TMEM132C: variants seen among roughly 807,000 people sequenced by gnomAD.
TMEM132C encodes protein phosphatase 1, regulatory subunit 152.
TMEM132C carries 29 observed loss-of-function variants against 61.4 expected under a neutral mutation model. The ratio of observed to expected loss-of-function variants is 0.47; its 90% CI spans 0.35 to 0.64. TMEM132C has a LOEUF of 0.64. Ranked by LOEUF, TMEM132C falls within the 30% of genes least tolerant of loss-of-function variation. The pLI is 0.00. For missense variants in TMEM132C, 1,408 were observed against 1,476.9 expected, an observed-to-expected ratio of 0.95 and a Z score of 0.76; for synonymous variants, 656 against 633.1, an observed-to-expected ratio of 1.04 and a Z score of -0.54.
At position 128,563,561 on chromosome 12, in the gene TMEM132C, C is replaced by A. The variant is rs574992708; in HGVS notation, c.1121+19458C>A. On this transcript the variant is annotated intron_variant, in intron 3 of 8. Coordinates refer to ENST00000435159, the MANE Select transcript of TMEM132C (RefSeq NM_001136103.3). ...ATGATGATACAATCATCTAATGTCC[C>A]CCATTAGTAGAGCTGCTGCTGTTAT... is the stretch of plus-strand genomic sequence containing the variant. 3.3e-5 allele frequency among the ~76,000 whole-genome samples: 5 copies of A among 152,252 alleles called. 1 individual carries two copies. In the South Asian group the frequency reaches 1.0e-3, roughly 32 times the overall value.
intron 2 of TMEM132C, among the ~76,000 whole-genome samples, chr12:128,489,701 T>C (rs7313925): frequency 0.36 from 54,725 of 151,256 alleles, 10,587 homozygotes; most frequent in East Asian, 0.58. Context: ...TATATATACA[T>C]GTGGGAATAT....
intron 2 of TMEM132C, among the ~76,000 whole-genome samples, chr12:128,437,601 T>C (rs35517965): frequency 0.19 from 29,034 of 152,134 alleles, 3,659 homozygotes; most frequent in African/African-American, 0.36. Context: ...AAATCTTGCC[T>C]ACAAGCCTGG....
chr12:128,321,188 T>C (rs570411402), intron 1 of TMEM132C, among the ~76,000 whole-genome samples: 1 of 150,248 alleles, frequency 6.7e-6, no homozygotes, highest in East Asian at 1.9e-4. Context: ...AATGCCAACA[T>C]TTCTTTTGCC....
chr12:128,374,975 G>A (rs888349350), intron 1 of TMEM132C, among the ~76,000 whole-genome samples: 3 of 62,254 alleles, frequency 4.8e-5, no homozygotes, highest in African/African-American at 1.0e-4. Flanking sequence ...AGACAGCAGG[G>A]GATGAAAACC....
At chr12:128,557,863 A>C (rs1451520497) in intron 3 of TMEM132C, among the ~76,000 whole-genome samples, 2 of 152,216 alleles carry the variant, frequency 1.3e-5, no homozygotes, top group Non-Finnish European at 2.9e-5. Context: ...TCAGAGGTCA[A>C]GTGTTTGCTG....
rs1009283767 is a variant in TMEM132C, at chr12:128,541,934, G to A, written c.975-2023G>A. 1.5e-4 allele frequency among the ~76,000 whole-genome samples: 23 copies of A among 152,238 alleles called. 1 individual carries two copies. Among genetic ancestry groups the A allele is most frequent in the South Asian group, 1.5e-3 (7 of 4,820 alleles). ...GGGGTTGTGGGGTCCCTCTGTATTC[G>A]GTGTGGCACCCCCAGGCACCCCCAG... On this transcript the variant is annotated intron_variant, in intron 2 of 8. Coordinates refer to ENST00000435159, the MANE Select transcript of TMEM132C (RefSeq NM_001136103.3).
At chr12:128,514,472 T>G (rs1872659591) in intron 2 of TMEM132C, among the ~76,000 whole-genome samples, 1 of 152,166 alleles carries the variant, frequency 6.6e-6, no homozygotes, top group Non-Finnish European at 1.5e-5. Context: ...TCATTATCTC[T>G]TTTTATTCTG....
At chr12:128,422,136 CA>C (rs1869008619) in intron 2 of TMEM132C, among the ~76,000 whole-genome samples, 1 of 152,176 alleles carries the variant, frequency 6.6e-6, no homozygotes, top group African/African-American at 2.4e-5. Flanking sequence ...TGGAGGTCAT[CA>C]GTTCTGAAAA....
intron 3 of TMEM132C, among the ~76,000 whole-genome samples, chr12:128,545,668 G>A (rs879418803): frequency 3.3e-5 from 5 of 152,118 alleles, no homozygotes; most frequent in African/African-American, 4.8e-5. Flanking sequence ...GTGTGAGATG[G>A]CATCTCATTG....
intron 1 of TMEM132C, among the ~76,000 whole-genome samples, chr12:128,328,276 G>C (rs1479845254): frequency 1.3e-5 from 2 of 152,092 alleles, no homozygotes; most frequent in African/African-American, 4.8e-5. Context: ...AGATGAGCTG[G>C]TAAAAAAGAG....
At chr12:128,522,583 T>C (rs896246822) in intron 2 of TMEM132C, among the ~76,000 whole-genome samples, 3 of 152,214 alleles carry the variant, frequency 2.0e-5, no homozygotes, top group African/African-American at 7.2e-5. Context: ...CACATTTACG[T>C]GGCGATATCT....
intron 3 of TMEM132C, among the ~76,000 whole-genome samples, chr12:128,603,805 G>A (rs1876293859): frequency 6.6e-6 from 1 of 152,054 alleles, no homozygotes; most frequent in Non-Finnish European, 1.5e-5. Flanking sequence ...ATATAAAACT[G>A]TGCAAACTAG....
chr12:128,392,284 T>G (rs1170595870), intron 1 of TMEM132C, among the ~76,000 whole-genome samples: 1 of 152,062 alleles, frequency 6.6e-6, no homozygotes, highest in African/African-American at 2.4e-5. Flanking sequence ...GGCAGCCGAG[T>G]TTACAAGTGA....
Position 128,706,367 on chromosome 12 carries a change from C to G in TMEM132C, c.*72C>G, listed in dbSNP as rs770662792. 2.0e-5 allele frequency: 29 copies of G among 1,442,388 alleles called. No homozygotes were observed. In the Admixed American group the frequency reaches 6.7e-4, roughly 33 times the overall value. The allele number at this position is 1,442,388 out of a possible 1,614,324, so 89.3% of individuals were successfully genotyped here. ...AAACTGGCCCAAGTGGGGCAGAAGG[C>G]GTTGTCAGTGGGGTTAAGAAGGGAC... On this transcript the variant is annotated 3_prime_UTR_variant, in exon 9 of 9. Coordinates refer to ENST00000435159, the MANE Select transcript of TMEM132C (RefSeq NM_001136103.3).
At chr12:128,476,912 A>T (rs904140841) in intron 2 of TMEM132C, among the ~76,000 whole-genome samples, 1 of 152,254 alleles carries the variant, frequency 6.6e-6, no homozygotes, top group Non-Finnish European at 1.5e-5. Flanking sequence ...TCAATTATCC[A>T]CATAAATACT....
At chr12:128,459,587 G>A (rs1870461698) in intron 2 of TMEM132C, among the ~76,000 whole-genome samples, 1 of 152,098 alleles carries the variant, frequency 6.6e-6, no homozygotes, top group South Asian at 2.1e-4. Flanking sequence ...AGTTTTGAGG[G>A]GAAGGTAATG....
intron 4 of TMEM132C, among the ~76,000 whole-genome samples, chr12:128,625,297 G>T (rs143113850): frequency 6.6e-6 from 1 of 152,342 alleles, no homozygotes; most frequent in Admixed American, 6.5e-5. Context: ...AAGATCAGCA[G>T]GTTCAGTGTC....
chr12:128,354,196 A>G (rs1873427625), intron 1 of TMEM132C, among the ~76,000 whole-genome samples: 1 of 151,988 alleles, frequency 6.6e-6, no homozygotes, highest in African/African-American at 2.4e-5. Flanking sequence ...ACTTTCTCGC[A>G]TGAAGCCCCT....
chr12:128,286,128 C>T (rs527278773), intron 1 of TMEM132C, among the ~76,000 whole-genome samples: 127 of 151,808 alleles, frequency 8.4e-4, no homozygotes, highest in Middle Eastern at 3.4e-3. Flanking sequence ...TCTCTGCCTC[C>T]TTCACACACA....
Sources: gnomAD v4.1 joint callset for allele counts (sites outside exome capture counted in the v4.1 genomes callset) on GRCh38, gnomAD v4.1.1 for gene constraint, MANE v1.5 for transcripts, NCBI Gene and HGNC (gene_info 2026-07-23, HGNC 2026-07-21) for gene names.